The following WWOX variants were observed in gnomAD, a reference collection of about 807,000 sequenced individuals.
WWOX encodes the protein WW domain-containing oxidoreductase.
WWOX carries 69 observed loss-of-function variants against 46.2 expected under a neutral mutation model. The observed-to-expected ratio is 1.49, with a 90% CI of 1.23 to 1.82. The LOEUF is 1.82. WWOX is among the 40% of genes most tolerant of loss of function. WWOX has a pLI of 0.00. For synonymous variants in WWOX, 359 were observed against 202.6 expected, an observed-to-expected ratio of 1.77 and a Z score of -6.56; for missense variants, 919 against 542.6, an observed-to-expected ratio of 1.69 and a Z score of -6.89.
chr16:78,978,841 C>T (rs947828696), intron 8 of WWOX, among the ~76,000 whole-genome samples: 1 of 152,170 alleles, frequency 6.6e-6, no homozygotes, highest in African/African-American at 2.4e-5. Context: ...CCACCAGGCC[C>T]CACCTCCAAC....
At chr16:78,363,773 C>G (rs956313283) in intron 5 of WWOX, among the ~76,000 whole-genome samples, 3 of 152,190 alleles carry the variant, frequency 2.0e-5, no homozygotes, top group Non-Finnish European at 2.9e-5. Context: ...ATCATGAGCT[C>G]AAACCCCTCC....
At chr16:78,190,693 G>A (rs1016196805) in intron 5 of WWOX, among the ~76,000 whole-genome samples, 1 of 152,130 alleles carries the variant, frequency 6.6e-6, no homozygotes, top group Non-Finnish European at 1.5e-5. Context: ...TTGGATTTCA[G>A]AGTCAAAAAC....
In WWOX at chr16:78,621,592, C is replaced by CTTTTTTTTTTTTTTTTTTT. The variant is rs34182797; in HGVS notation, c.1056+188852_1056+188870dup. ...ACCTTTAACCTTGTGTTGTTCTAAT[C>CTTTTTTTTTTTTTTTTTTT]TTTTTTTTTTTTTTTTTTTTTTTTT... On this transcript the variant is annotated intron_variant, in intron 8 of 8. Coordinates refer to ENST00000566780, the MANE Select transcript of WWOX (RefSeq NM_016373.4). Among the ~76,000 whole-genome samples the CTTTTTTTTTTTTTTTTTTT allele has an allele frequency of 3.1e-3, 97 of 31,540 alleles. 35 individuals carry two copies. Among genetic ancestry groups the CTTTTTTTTTTTTTTTTTTT allele is most frequent in the Non-Finnish European group, 3.6e-3 (62 of 17,064 alleles). The allele number at this position is 31,540 out of a possible 152,430, so 20.7% of individuals were successfully genotyped here.
intron 8 of WWOX, among the ~76,000 whole-genome samples, chr16:78,649,096 CCCAAGT>C (rs2046908664): frequency 6.6e-6 from 1 of 152,142 alleles, no homozygotes; most frequent in Non-Finnish European, 1.5e-5. Flanking sequence ...GCCTCAGTCT[CCCAAGT>C]AGCTGAGATT....
At chr16:78,113,370 G>T (rs2032603129) in intron 3 of WWOX, among the ~76,000 whole-genome samples, 1 of 152,198 alleles carries the variant, frequency 6.6e-6, no homozygotes, top group African/African-American at 2.4e-5. Context: ...AGGGCATATG[G>T]TTTCTGTTGC....
In WWOX at chr16:78,472,141, A is replaced by C. The variant is rs181814542; in HGVS notation, c.1056+39389A>C. Among the ~76,000 whole-genome samples, 1,257 of 152,310 alleles carry C rather than the reference A, an allele frequency of 8.3e-3. 16 individuals carry two copies. Among genetic ancestry groups the C allele is most frequent in the Non-Finnish European group, 9.0e-3 (610 of 68,030 alleles). On this transcript the variant is annotated intron_variant, in intron 8 of 8. Coordinates refer to ENST00000566780, the MANE Select transcript of WWOX (RefSeq NM_016373.4). ...CAAGGTTAAAACAGGAAAAAGTAAC[A>C]CAGTAAATACCTATTTTTGTGCATA... is the stretch of plus-strand genomic sequence containing the variant.
intron 8 of WWOX, among the ~76,000 whole-genome samples, chr16:78,998,788 G>A (rs62038696): frequency 6.6e-6 from 1 of 152,368 alleles, no homozygotes; most frequent in East Asian, 1.9e-4. Context: ...GAAAGTGCCA[G>A]TCTGATCCTT....
At chr16:78,463,039 T>G (rs764311925) in intron 8 of WWOX, among the ~76,000 whole-genome samples, 160 of 152,226 alleles carry the variant, frequency 1.1e-3, no homozygotes, top group Non-Finnish European at 1.9e-3. Flanking sequence ...TGAGGCTCAT[T>G]GATCTTTTGT....
chr16:78,229,952 T>C (rs900968007), intron 5 of WWOX, among the ~76,000 whole-genome samples: 1 of 152,080 alleles, frequency 6.6e-6, no homozygotes, highest in Non-Finnish European at 1.5e-5. Context: ...TGACCATGGC[T>C]CACTGCAGCC....
intron 8 of WWOX, among the ~76,000 whole-genome samples, chr16:78,676,351 T>C (rs2047599413): frequency 1.3e-5 from 2 of 152,058 alleles, no homozygotes; most frequent in Non-Finnish European, 2.9e-5. Context: ...CATTCAGATC[T>C]TGTCACTTAG....
chr16:78,999,063 G>C (rs1277548799), intron 8 of WWOX, among the ~76,000 whole-genome samples: 1 of 152,198 alleles, frequency 6.6e-6, no homozygotes, highest in South Asian at 2.1e-4. Context: ...GAAATATTCC[G>C]GACGTGGAAA....
intron 5 of WWOX, among the ~76,000 whole-genome samples, chr16:78,260,754 C>G (rs2079210311): frequency 6.7e-6 from 1 of 149,822 alleles, no homozygotes; most frequent in South Asian, 2.1e-4. Flanking sequence ...GCCTGGGCAA[C>G]ATGGTGAAAC....
chr16:78,426,853 G>A (rs902572807), intron 7 of WWOX, among the ~76,000 whole-genome samples: 4 of 152,060 alleles, frequency 2.6e-5, no homozygotes, highest in Non-Finnish European at 5.9e-5. Context: ...TAGTAGAGAC[G>A]GGGTTTCACC....
At chr16:78,713,273 CAAAA>C (rs5818165) in intron 8 of WWOX, among the ~76,000 whole-genome samples, 199 of 16,998 alleles carry the variant, frequency 0.012, no homozygotes, top group African/African-American at 0.027. Flanking sequence ...GACTCTGTCT[CAAAA>C]AAAAAAAAAA....
intron 8 of WWOX, among the ~76,000 whole-genome samples, chr16:79,155,340 C>T (rs1017338722): frequency 6.6e-6 from 1 of 152,102 alleles, no homozygotes; most frequent in Non-Finnish European, 1.5e-5. Context: ...CACGCCATTG[C>T]ACTCCAGCCT....
At chr16:78,264,254 C>A (rs2079313612) in intron 5 of WWOX, among the ~76,000 whole-genome samples, 1 of 151,994 alleles carries the variant, frequency 6.6e-6, no homozygotes. Flanking sequence ...TGAAAGCCTA[C>A]TTTGGGCCAC....
intron 5 of WWOX, among the ~76,000 whole-genome samples, chr16:78,277,736 G>T (rs4462603): frequency 0.23 from 35,286 of 152,060 alleles, 4,964 homozygotes; most frequent in East Asian, 0.51. Flanking sequence ...CTTGGGACTC[G>T]GCCAGTGGTC....
chr16:78,527,501 C>T (rs2151507521), intron 8 of WWOX, among the ~76,000 whole-genome samples: 1 of 152,132 alleles, frequency 6.6e-6, no homozygotes, highest in Admixed American at 6.5e-5. Context: ...GCCATGTTGG[C>T]CAGGCTGGTC....
rs1193777245 is a variant in WWOX at position 78,996,372 on chromosome 16, A to ACCC, written c.1057-215235_1057-215233dup. 26 of 459,804 alleles carry ACCC rather than the reference A, an allele frequency of 5.7e-5. No homozygotes were observed. The Admixed American group carries it at 6.8e-4, about 12-fold the overall frequency. 28.5% of individuals were successfully genotyped at this position (459,804 alleles called of 1,614,324 possible). On this transcript the variant is annotated intron_variant, in intron 8 of 8. Transcript: ENST00000566780. ...TAGAAAGAGTGTGAGTGAATTCTGC[A>ACCC]CCCACCCCCGCCCCCCAGCTTCCCC...
Sources: gnomAD v4.1 joint callset for allele counts (sites outside exome capture counted in the v4.1 genomes callset) on GRCh38, gnomAD v4.1.1 for gene constraint, MANE v1.5 for transcripts, NCBI Gene and HGNC (gene_info 2026-07-23, HGNC 2026-07-21) for gene names.